Variants in WDPCP observed in about 807,000 individuals in gnomAD.
WDPCP encodes WD repeat-containing and planar cell polarity effector protein fritz homolog.
In WDPCP, 71 loss-of-function variants were observed where a neutral mutation model predicts 93.1. The observed-to-expected ratio is 0.76, with a 90% CI of 0.63 to 0.93. The LOEUF (loss-of-function observed/expected upper bound fraction) is 0.93. Ranked by LOEUF, WDPCP falls within the 40% of genes least tolerant of loss-of-function variation. The pLI is 0.00. For missense variants in WDPCP, 844 were observed against 887.4 expected, an observed-to-expected ratio of 0.95 and a Z score of 0.62; for synonymous variants, 315 against 315.0, an observed-to-expected ratio of 1.00 and a Z score of 0.00.
At chr2:63,664,443 G>T (rs555474015) in intron 2 of WDPCP, among the ~76,000 whole-genome samples, 1 of 152,166 alleles carries the variant, frequency 6.6e-6, no homozygotes, top group Non-Finnish European at 1.5e-5. Context: ...TGCTGCAACT[G>T]CCCCTGGATA....
At chr2:63,268,674 G>A (rs2464042) in intron 13 of WDPCP, among the ~76,000 whole-genome samples, 122,707 of 151,698 alleles carry the variant, frequency 0.81, 50,406 homozygotes, top group East Asian at 0.96. Context: ...GTAGAGACAA[G>A]TTTGCCATGT....
chr2:63,456,568 A>T (rs996469851), intron 6 of WDPCP, among the ~76,000 whole-genome samples: 3 of 152,228 alleles, frequency 2.0e-5, no homozygotes, highest in Non-Finnish European at 2.9e-5. Context: ...AAACAGAAAG[A>T]TTTCAAATAA....
Position 63,403,112 on chromosome 2 carries a change from G to GT in WDPCP, c.1435+935dup, listed in dbSNP as rs551819728. Reference sequence around the variant, plus strand: ...CAGCCATTAAAAAGAACAAGATAATGTTTTTTGCAGGAACTTGGACGGAGC... The same window carrying GT: ...CAGCCATTAAAAAGAACAAGATAATGTTTTTTTGCAGGAACTTGGACGGAGC... On this transcript the variant is annotated intron_variant, in intron 10 of 17. Coordinates refer to ENST00000272321, the MANE Select transcript of WDPCP (RefSeq NM_015910.7). Among the ~76,000 whole-genome samples the GT allele has an allele frequency of 4.4e-3, 665 of 152,232 alleles. 1 individual carries two copies. Among genetic ancestry groups the GT allele is most frequent in the Middle Eastern group, 0.017 (5 of 294 alleles).
chr2:63,328,210 T>TCTCTGTAAAATGGACCAATCCGCA (rs1687710908), intron 12 of WDPCP, among the ~76,000 whole-genome samples: 1 of 146,006 alleles, frequency 6.8e-6, no homozygotes, highest in African/African-American at 2.6e-5. Flanking sequence ...ACCCGTCAGC[T>TCTCTGTAAAATGGACCAATCCGCA]CTCTGTAAAA....
chr2:63,438,962 G>GA (rs1484072663), intron 7 of WDPCP, among the ~76,000 whole-genome samples: 27 of 152,190 alleles, frequency 1.8e-4, no homozygotes, highest in African/African-American at 5.3e-4. Flanking sequence ...ATAGTGAAAG[G>GA]AAAATGGGCT....
chr2:63,214,311 G>C (rs1222475550), intron 14 of WDPCP, among the ~76,000 whole-genome samples: 1 of 152,126 alleles, frequency 6.6e-6, no homozygotes, highest in Non-Finnish European at 1.5e-5. Flanking sequence ...TGCAAGGCTG[G>C]TTCATTATAT....
chr2:63,731,099 T>C, intron 2 of WDPCP, among the ~76,000 whole-genome samples: 1 of 152,052 alleles, frequency 6.6e-6, no homozygotes, highest in East Asian at 1.9e-4. Context: ...TGAAACCCTG[T>C]GTCTACTAAA....
intron 17 of WDPCP, among the ~76,000 whole-genome samples, chr2:63,150,153 G>A (rs905514575): frequency 1.3e-5 from 2 of 152,128 alleles, no homozygotes; most frequent in African/African-American, 2.4e-5. Flanking sequence ...CAAAGGTACC[G>A]GTAATGTTAA....
At chr2:63,521,242 TA>T (rs993112076) in intron 1 of WDPCP, among the ~76,000 whole-genome samples, 2 of 152,180 alleles carry the variant, frequency 1.3e-5, no homozygotes, top group African/African-American at 4.8e-5. Context: ...CTAAATGCCC[TA>T]ATTAAAAGGC....
chr2:63,128,908 T>G (rs1256445264), intron 17 of WDPCP, among the ~76,000 whole-genome samples: 3 of 152,226 alleles, frequency 2.0e-5, no homozygotes, highest in Non-Finnish European at 4.4e-5. Context: ...CCTCAGGTGA[T>G]CCACCCACCT....
chr2:63,272,977 C>A (rs184450349), intron 13 of WDPCP, among the ~76,000 whole-genome samples: 54 of 152,146 alleles, frequency 3.5e-4, no homozygotes, highest in Non-Finnish European at 6.3e-4. Flanking sequence ...CAAAGAAAGA[C>A]AGAATTCTAA....
chr2:63,366,875 C>T (rs2104728285), intron 12 of WDPCP, among the ~76,000 whole-genome samples: 1 of 152,096 alleles, frequency 6.6e-6, no homozygotes, highest in African/African-American at 2.4e-5. Context: ...TAATTCTAGT[C>T]TATCACACAT....
chr2:63,344,943 CA>C (rs960216588), intron 12 of WDPCP, among the ~76,000 whole-genome samples: 5 of 152,158 alleles, frequency 3.3e-5, no homozygotes, highest in African/African-American at 1.2e-4. Context: ...GCTTTCTAAC[CA>C]AAATTTAGCA....
At chr2:63,810,328 T>C (rs950050217) in intron 2 of WDPCP, among the ~76,000 whole-genome samples, 12 of 152,254 alleles carry the variant, frequency 7.9e-5, no homozygotes, top group Non-Finnish European at 2.9e-5. Context: ...ATCTTTGTGA[T>C]AGGACAACCT....
intron 2 of WDPCP, among the ~76,000 whole-genome samples, chr2:63,728,830 T>C (rs991227514): frequency 6.6e-6 from 1 of 152,172 alleles, no homozygotes; most frequent in Non-Finnish European, 1.5e-5. Flanking sequence ...ATATACAGTC[T>C]CATGAACATG....
At chr2:63,411,706 GAC>G (rs1396390273) in intron 9 of WDPCP, among the ~76,000 whole-genome samples, 1 of 152,032 alleles carries the variant, frequency 6.6e-6, no homozygotes, top group African/African-American at 2.4e-5. Context: ...CATTACAACT[GAC>G]ACCACTGAAA....
chr2:63,620,897 A>G (rs1709728849), intron 3 of WDPCP, among the ~76,000 whole-genome samples: 2 of 152,366 alleles, frequency 1.3e-5, no homozygotes, highest in Middle Eastern at 3.4e-3. Flanking sequence ...GTGGACCTCC[A>G]GCAAACTCCA....
chr2:63,262,285 A>G (rs2104792291), intron 13 of WDPCP, among the ~76,000 whole-genome samples: 1 of 152,258 alleles, frequency 6.6e-6, no homozygotes, highest in Non-Finnish European at 1.5e-5. Flanking sequence ...ACCAACCATT[A>G]CTAAAGAACA....
At chr2:63,630,920 A>T (rs970148590) in intron 3 of WDPCP, among the ~76,000 whole-genome samples, 22 of 152,230 alleles carry the variant, frequency 1.4e-4, no homozygotes, top group African/African-American at 5.3e-4. Context: ...AGTGAAGTCA[A>T]ATTAGAAATC....
Sources: gnomAD v4.1 joint callset for allele counts (sites outside exome capture counted in the v4.1 genomes callset) on GRCh38, gnomAD v4.1.1 for gene constraint, MANE v1.5 for transcripts, NCBI Gene and HGNC (gene_info 2026-07-23, HGNC 2026-07-21) for gene names.